CA4: variants seen among roughly 807,000 people sequenced by gnomAD.
CA4 encodes the protein carbonic anhydrase 4.
Under a neutral mutation model 34.5 loss-of-function variants are expected in CA4, and 24 were observed. That is an observed-to-expected ratio of 0.70 (90% confidence interval 0.50 to 0.98). CA4 has a LOEUF of 0.98. Among genes scored for constraint, CA4 ranks in the 50% least tolerant of loss-of-function variants. The pLI, the probability that CA4 is intolerant of heterozygous loss-of-function variation, is 0.00. For synonymous variants in CA4, 178 were observed against 170.6 expected (o/e 1.04, Z -0.34); for missense variants, 394 against 396.7 (o/e 0.99, Z 0.06).
Position 60,159,487 on chromosome 17 carries a change from C to G in CA4, c.*63C>G, listed in dbSNP as rs2083760338. ...CTCTCCAAGTTCCAGGCTTCCGGTC[C>G]TTAGCCTTCCCAGGTGGGACTTTAG... On this transcript the variant is annotated 3_prime_UTR_variant, in exon 8 of 8. Transcript: ENST00000300900. 1.3e-6 allele frequency: 2 copies of G among 1,543,954 alleles called. No homozygotes were observed. The highest frequency in any genetic ancestry group is 1.4e-5 in the African/African-American group (1 of 73,694).
intron 3 of CA4, among the ~76,000 whole-genome samples, 193 bp from the exon 4 acceptor site, chr17:60,157,234 C>T (rs1250299057): frequency 6.6e-6 from 1 of 152,208 alleles, no homozygotes; most frequent in Non-Finnish European, 1.5e-5. Flanking sequence ...GCAGGGAGAC[C>T]AAGGAGGAGG....
At chr17:60,177,129 C>T in the CA4 span, among the ~76,000 whole-genome samples, 1 of 152,124 alleles carries the variant, frequency 6.6e-6, no homozygotes, top group Admixed American at 6.5e-5. Context: ...CTCTGTAAGT[C>T]AGAAAGAAAT....
chr17:60,157,982 C>T (rs345186), intron 5 of CA4, 79 bp from the exon 6 acceptor site: 120,795 of 1,579,892 alleles, frequency 0.076, 15,851 homozygotes, highest in African/African-American at 0.59. Flanking sequence ...TGGCCTTCCG[C>T]CCCCAGATCG....
chr17:60,171,877 G>A (rs878983247), downstream of CA4, among the ~76,000 whole-genome samples: 4 of 152,172 alleles, frequency 2.6e-5, no homozygotes, highest in Admixed American at 2.0e-4. Context: ...GAACCGAGGC[G>A]CGGACAAGGC....
chr17:60,153,065 C>T (rs1009447705), intron 1 of CA4, among the ~76,000 whole-genome samples: 2 of 152,130 alleles, frequency 1.3e-5, no homozygotes, highest in Admixed American at 6.5e-5. Flanking sequence ...TGGCTGGGCA[C>T]GGTGGCTCAC....
downstream of CA4, among the ~76,000 whole-genome samples, chr17:60,175,022 T>C (rs2083944704): frequency 6.6e-6 from 1 of 152,064 alleles, no homozygotes; most frequent in Non-Finnish European, 1.5e-5. Context: ...CCCATCTCCC[T>C]AGGCCAGTCC....
At chr17:60,158,509 T>A (rs2083737056) in intron 7 of CA4, 63 bp downstream of exon 7, 1 of 1,551,434 alleles carries the variant, frequency 6.4e-7, no homozygotes, top group Admixed American at 1.7e-5. Context: ...ATTATCCCTC[T>A]GTCTGCCCTC....
At chr17:60,150,754 C>A (rs1490131219) in intron 1 of CA4, among the ~76,000 whole-genome samples, 2 of 150,814 alleles carry the variant, frequency 1.3e-5, no homozygotes, top group Non-Finnish European at 3.0e-5. Context: ...TCCGTCTGCC[C>A]GTGGGTTTCC....
At chr17:60,168,158 G>A (rs1056239597) in intron 5 of CA4, among the ~76,000 whole-genome samples, 19 of 147,038 alleles carry the variant, frequency 1.3e-4, no homozygotes, top group Middle Eastern at 3.5e-3. Context: ...GGGGCATAAG[G>A]AGAATGGAAG....
In CA4 at chr17:60,157,480, C is replaced by G. The variant is rs1005461366; in HGVS notation, c.322C>G (p.Pro108Ala). 1.2e-6 allele frequency: 2 copies of G among 1,614,014 alleles called. No individual in the cohort carries two copies. The highest frequency in any genetic ancestry group is 2.7e-5 in the African/African-American group (2 of 74,934). Residue 108 changes from proline (P) to alanine (A), a missense_variant, in exon 4 of 8, where the codon CCA (proline) becomes GCA (alanine). Transcript: ENST00000300900. Reference protein sequence around the residue: ...ASISGGGLPAPYQAKQLHLHW... With the variant: ...ASISGGGLPAAYQAKQLHLHW... ...CATTTCTGGAGGAGGACTGCCTGCC[C>G]CATACCAGGCCAAACAGTTGCACCT...
chr17:60,174,078 G>A (rs911171900), downstream of CA4, among the ~76,000 whole-genome samples: 38 of 151,516 alleles, frequency 2.5e-4, no homozygotes, highest in African/African-American at 8.8e-4. Flanking sequence ...TACCTAATAG[G>A]TGGCAAGCTC....
downstream of CA4, among the ~76,000 whole-genome samples, chr17:60,174,220 C>T (rs1162711974): frequency 3.9e-5 from 6 of 152,048 alleles, no homozygotes; most frequent in Non-Finnish European, 5.9e-5. Context: ...ATGTGACCTC[C>T]GACATAATGG....
intron 1 of CA4, among the ~76,000 whole-genome samples, chr17:60,150,720 G>C (rs1440868045): frequency 8.5e-6 from 1 of 117,068 alleles, no homozygotes; most frequent in Non-Finnish European, 1.7e-5. Flanking sequence ...CTCAACGCAC[G>C]CCTTCTTTTC....
At chr17:60,174,892 A>G (rs2083943424), downstream of CA4, among the ~76,000 whole-genome samples, 1 of 152,248 alleles carries the variant, frequency 6.6e-6, no homozygotes, top group Non-Finnish European at 1.5e-5. Flanking sequence ...CACTGTGAGC[A>G]ATGCCACCAA....
In CA4 at chr17:60,150,054, T is replaced by C. The variant is rs2083559552; in HGVS notation, c.20T>C (p.Leu7Pro). 1 of 1,601,626 alleles carries C rather than the reference T, an allele frequency of 6.2e-7. No homozygotes were observed. The highest frequency in any genetic ancestry group is 1.1e-5 in the South Asian group (1 of 90,966). ...CGCAAGATGCGGATGCTGCTGGCGC[T>C]CCTGGCCCTCTCCGCGGCGCGGCCA... is the stretch of plus-strand genomic sequence containing the variant. MRMLLA[L>P]LALSAARPSA... Residue 7 changes from leucine (L) to proline (P), a missense_variant, in exon 1 of 8, where the codon CTC (leucine) becomes CCC (proline). Leu to Pro is a moderately conservative substitution (Grantham distance 98, BLOSUM62 -3). Transcript: ENST00000300900.
At chr17:60,178,438 C>T in the CA4 span, among the ~76,000 whole-genome samples, 4 of 152,098 alleles carry the variant, frequency 2.6e-5, no homozygotes, top group African/African-American at 7.2e-5. Context: ...TGGGTGGGGC[C>T]GGGGGTGCAG....
At chr17:60,162,081 G>A (rs2085800194), downstream of CA4, among the ~76,000 whole-genome samples, 1 of 152,164 alleles carries the variant, frequency 6.6e-6, no homozygotes, top group South Asian at 2.1e-4. Context: ...GCCAGCAGGA[G>A]CCAGAACGGG....
Position 60,150,006 on chromosome 17 carries a change from G to A in CA4, c.-29G>A. ...CGGCCTCCTCGGTGCGCGACCCCCG[G>A]CTCAGAGGACTCTTTGCTGTCCCGC... On this transcript the variant is annotated 5_prime_UTR_variant, in exon 1 of 8. Transcript: ENST00000300900. The A allele has an allele frequency of 6.3e-7, 1 of 1,592,976 alleles. No homozygotes were observed. The highest frequency in any genetic ancestry group is 2.2e-5 in the East Asian group (1 of 44,684).
intron 5 of CA4, 41 bp from the exon 6 acceptor site, chr17:60,158,020 C>G (rs375352085): frequency 6.2e-7 from 1 of 1,609,534 alleles, no homozygotes. Context: ...CCACCACTGG[C>G]TCCCTGCAGA....
Sources: allele counts gnomAD v4.1 joint callset (sites outside exome capture counted in the v4.1 genomes callset), GRCh38; gene constraint gnomAD v4.1.1; transcripts MANE v1.5; gene names NCBI Gene and HGNC (gene_info 2026-07-23, HGNC 2026-07-21).